SYNPR: variants seen among roughly 807,000 people sequenced by gnomAD.
The protein encoded by SYNPR is synaptoporin.
Under a neutral mutation model 32.9 loss-of-function variants are expected in SYNPR, and 23 were observed. The observed-to-expected ratio is 0.70, with a 90% CI of 0.50 to 0.99. The LOEUF (loss-of-function observed/expected upper bound fraction) is 0.99. Ranked by LOEUF, SYNPR falls within the 50% of genes least tolerant of loss-of-function variation. The probability of loss-of-function intolerance (pLI) is 0.00; values close to 1 mark genes in which losing one functional copy is unlikely to be tolerated. For missense variants in SYNPR, 318 were observed against 349.3 expected, an observed-to-expected ratio of 0.91 and a Z score of 0.71; for synonymous variants, 146 against 135.9, an observed-to-expected ratio of 1.07 and a Z score of -0.52.
At chr3:63,585,749 C>T (rs1703172410) in intron 4 of SYNPR, among the ~76,000 whole-genome samples, 1 of 151,900 alleles carries the variant, frequency 6.6e-6, no homozygotes, top group African/African-American at 2.4e-5. Context: ...AGATATCGTC[C>T]CAGAAGATTA....
At chr3:63,280,641 C>G (rs2086619985) in intron 2 of SYNPR, among the ~76,000 whole-genome samples, 1 of 152,094 alleles carries the variant, frequency 6.6e-6, no homozygotes, top group African/African-American at 2.4e-5. Context: ...GTTCTTTGAA[C>G]TTCCACTAGA....
intron 2 of SYNPR, among the ~76,000 whole-genome samples, chr3:63,258,572 G>A (rs927948091): frequency 2.0e-5 from 3 of 152,064 alleles, no homozygotes; most frequent in African/African-American, 7.3e-5. Context: ...ATTCAAAGCA[G>A]TGCGTAGAGG....
At chr3:63,532,195 G>A (rs1702124790) in intron 3 of SYNPR, among the ~76,000 whole-genome samples, 1 of 152,130 alleles carries the variant, frequency 6.6e-6, no homozygotes, top group African/African-American at 2.4e-5. Flanking sequence ...TGAAAAACTG[G>A]AACTTTCAAA....
At chr3:63,438,391 G>T (rs1217381814) in intron 2 of SYNPR, among the ~76,000 whole-genome samples, 1 of 152,062 alleles carries the variant, frequency 6.6e-6, no homozygotes, top group Non-Finnish European at 1.5e-5. Context: ...ATGAGTGCTT[G>T]CTATGTTGCC....
chr3:63,259,881 G>C (rs2086421926), intron 2 of SYNPR, among the ~76,000 whole-genome samples: 1 of 152,156 alleles, frequency 6.6e-6, no homozygotes, highest in South Asian at 2.1e-4. Flanking sequence ...CAAAGTCTCA[G>C]GATACAAAAT....
chr3:63,422,110 C>T (rs1285954861), intron 2 of SYNPR, among the ~76,000 whole-genome samples: 1 of 152,134 alleles, frequency 6.6e-6, no homozygotes, highest in Non-Finnish European at 1.5e-5. Flanking sequence ...GTTCCACTCA[C>T]ATTCAGGTTA....
intron 2 of SYNPR, among the ~76,000 whole-genome samples, chr3:63,266,715 AAAACAC>A (rs200937037): frequency 0.026 from 3,957 of 149,744 alleles, 128 homozygotes; most frequent in East Asian, 0.097. Context: ...CTCAAAAAAA[AAAACAC>A]AAAAAACCAC....
At chr3:63,275,974 G>T (rs2086570945), upstream of SYNPR, among the ~76,000 whole-genome samples, 1 of 152,072 alleles carries the variant, frequency 6.6e-6, no homozygotes, top group Non-Finnish European at 1.5e-5. Context: ...AGGTTATGTT[G>T]TGCTGCAGTA....
At chr3:63,294,475 C>T (rs910802801) in intron 2 of SYNPR, among the ~76,000 whole-genome samples, 5 of 152,240 alleles carry the variant, frequency 3.3e-5, no homozygotes, top group African/African-American at 9.6e-5. Flanking sequence ...ATGAACAGAA[C>T]GGATTCATAA....
At chr3:63,244,512 C>T (rs1258196735) in intron 1 of SYNPR, among the ~76,000 whole-genome samples, 3 of 152,058 alleles carry the variant, frequency 2.0e-5, no homozygotes, top group African/African-American at 7.2e-5. Context: ...TGTCACAGGC[C>T]TGTTCAATCC....
chr3:63,558,533 A>C (rs1406145870), intron 4 of SYNPR, among the ~76,000 whole-genome samples: 3 of 152,022 alleles, frequency 2.0e-5, no homozygotes, highest in Admixed American at 6.6e-5. Flanking sequence ...AGGTTTCATC[A>C]TATTTTTTGC....
intron 2 of SYNPR, chr3:63,330,143 C>A (rs986598530): frequency 1.3e-5 from 2 of 152,112 alleles, no homozygotes; most frequent in South Asian, 2.1e-4. Context: ...CCCTCAGGAG[C>A]CTTTTCTCCA....
At chr3:63,560,284 T>C (rs1412978124) in intron 4 of SYNPR, among the ~76,000 whole-genome samples, 3 of 152,148 alleles carry the variant, frequency 2.0e-5, no homozygotes, top group Non-Finnish European at 2.9e-5. Context: ...CAGAGGCAGA[T>C]TGCATGTAGA....
At position 63,494,448 on chromosome 3, in the gene SYNPR, C is replaced by CACATATATATACATATAT. The variant is rs1559516369; in HGVS notation, c.209+13496_209+13513dup. On this transcript the variant is annotated intron_variant, in intron 3 of 5. Coordinates refer to ENST00000478300, the MANE Select transcript of SYNPR (RefSeq NM_001130003.2). ...ATATATATATACGTATATATATATACACATATATATACATATATACACATA... is the reference window on the plus strand; with the variant it reads ...ATATATATATACGTATATATATATACACATATATATACATATATACATATATATACATATATACACATA... Among the ~76,000 whole-genome samples, 66 of 89,338 alleles carry CACATATATATACATATAT rather than the reference C, an allele frequency of 7.4e-4. 1 individual carries two copies. Among genetic ancestry groups the CACATATATATACATATAT allele is most frequent in the African/African-American group, 2.9e-3 (62 of 21,496 alleles). The allele number at this position is 89,338 out of a possible 152,430, so 58.6% of individuals were successfully genotyped here.
intron 3 of SYNPR, among the ~76,000 whole-genome samples, chr3:63,495,152 T>C (rs1028737319): frequency 6.6e-6 from 1 of 152,252 alleles, no homozygotes; most frequent in African/African-American, 2.4e-5. Flanking sequence ...ACACAGTTTG[T>C]AGAATTTCTC....
At chr3:63,304,060 C>A (rs1488341913) in intron 2 of SYNPR, among the ~76,000 whole-genome samples, 1 of 151,990 alleles carries the variant, frequency 6.6e-6, no homozygotes, top group Non-Finnish European at 1.5e-5. Flanking sequence ...TTTTGGCTTG[C>A]CTTTGCTCCT....
chr3:63,614,347 C>T (rs1055028228), intron 5 of SYNPR, among the ~76,000 whole-genome samples: 1 of 152,170 alleles, frequency 6.6e-6, no homozygotes, highest in African/African-American at 2.4e-5. Flanking sequence ...GACTTCTGTT[C>T]GGGCCTCATG....
At chr3:63,256,231 C>T (rs1338191189) in intron 2 of SYNPR, among the ~76,000 whole-genome samples, 1 of 152,182 alleles carries the variant, frequency 6.6e-6, no homozygotes. Flanking sequence ...GTGGTTCTCC[C>T]AGCACGCAGC....
chr3:63,233,585 G>T (rs2086180826), intron 1 of SYNPR, among the ~76,000 whole-genome samples: 1 of 152,146 alleles, frequency 6.6e-6, no homozygotes, highest in Non-Finnish European at 1.5e-5. Context: ...TTTTTGAAGA[G>T]GCTCTTTTAC....
Sources: gnomAD v4.1 joint callset for allele counts (sites outside exome capture counted in the v4.1 genomes callset) on GRCh38, gnomAD v4.1.1 for gene constraint, MANE v1.5 for transcripts, NCBI Gene and HGNC (gene_info 2026-07-23, HGNC 2026-07-21) for gene names.